The following UNC13A variants were observed in gnomAD, a reference collection of about 807,000 sequenced individuals.
The protein encoded by UNC13A is unc-13 homolog A, also known as protein unc-13 homolog A.
A neutral mutation model predicts 219.7 loss-of-function variants in UNC13A; 61 were observed. That is an observed-to-expected ratio of 0.28 (90% CI 0.23 to 0.34). The LOEUF (loss-of-function observed/expected upper bound fraction) is 0.34. Among genes scored for constraint, UNC13A ranks in the 10% least tolerant of loss-of-function variants. UNC13A has a pLI of 1.00. For synonymous variants in UNC13A, 920 were observed against 884.6 expected (o/e 1.04, Z -0.71); for missense variants, 1,476 against 2,270.3 (o/e 0.65, Z 7.11).
At position 17,610,038 on chromosome 19, in the gene UNC13A, G is replaced by A. The variant is rs575146225; in HGVS notation, c.4713C>T (p.Val1571=). 20 of 1,614,024 alleles carry A rather than the reference G, an allele frequency of 1.2e-5. No individual in the cohort carries two copies. The highest frequency in any genetic ancestry group is 1.7e-4 in the Middle Eastern group (1 of 6,056). The change falls in exon 43 of 44, where the codon GTC becomes GTT. Residue 1571 remains valine, a synonymous_variant. Transcript: ENST00000519716. The part of the protein sequence containing the change: ...TSGIFRPFIE[V]NIIGPQLSDK... ...CGCTGAGCTGGGGCCCAATGATGTTGACCTCGATGAACGGCCGGAAGATGC... is the reference window on the plus strand; with the variant it reads ...CGCTGAGCTGGGGCCCAATGATGTTAACCTCGATGAACGGCCGGAAGATGC...
chr19:17,621,970 C>T (rs371576058), intron 36 of UNC13A, 100 bp from the exon 37 acceptor site: 24 of 1,207,998 alleles, frequency 2.0e-5, no homozygotes, highest in African/African-American at 1.8e-4. Context: ...GGAATCCACA[C>T]TGCACAGGGT....
intron 31 of UNC13A, among the ~76,000 whole-genome samples, 172 bp downstream of exon 31, chr19:17,629,068 A>C (rs553728633): frequency 1.3e-5 from 2 of 152,126 alleles, no homozygotes; most frequent in Admixed American, 1.3e-4. Flanking sequence ...AACTAGATAC[A>C]CTCTGATCAC....
At chr19:17,643,186 A>T (rs1330636638) in intron 19 of UNC13A, among the ~76,000 whole-genome samples, 1 of 151,680 alleles carries the variant, frequency 6.6e-6, no homozygotes, top group Non-Finnish European at 1.5e-5. Flanking sequence ...TAATTTTTAT[A>T]CTTTTAGTAG....
chr19:17,613,251 A>G (rs961711897), intron 41 of UNC13A, among the ~76,000 whole-genome samples: 2 of 151,736 alleles, frequency 1.3e-5, no homozygotes, highest in Admixed American at 1.3e-4. Flanking sequence ...AGAGAGAGAA[A>G]AGAAAATTAG....
chr19:17,648,772 C>T (rs1286131193), intron 15 of UNC13A, 122 bp from the exon 16 acceptor site: 5 of 1,489,214 alleles, frequency 3.4e-6, no homozygotes, highest in African/African-American at 1.4e-5. Context: ...TCCACGCTGT[C>T]GGAATCCACG....
In UNC13A at chr19:17,666,684, T is replaced by C; in HGVS notation, c.489A>G (p.Gln163=). 1 of 1,528,528 alleles carries C rather than the reference T, an allele frequency of 6.5e-7. No individual in the cohort carries two copies. Among genetic ancestry groups the C allele is most frequent in the Non-Finnish European group, 8.8e-7 (1 of 1,136,282 alleles). 94.7% of individuals were successfully genotyped at this position (1,528,528 alleles called of 1,614,324 possible). A position where few individuals can be genotyped will look rare whatever the true frequency, so the allele number is the denominator to read the frequency against. ...DQDEYSFQDE[Q]DKPLPVPSNQ... Reference sequence around the variant, plus strand: ...TGCTGGGGACAGGCAGAGGCTTGTCTTGCTCATCTTGGAACGAATACTGAA... The same window carrying C: ...TGCTGGGGACAGGCAGAGGCTTGTCCTGCTCATCTTGGAACGAATACTGAA... The change falls in exon 7 of 44, where the codon CAA becomes CAG. Residue 163 remains glutamine (Q), a synonymous_variant. Transcript: ENST00000519716.
At chr19:17,663,693 G>T in intron 7 of UNC13A, 126 bp from the exon 8 acceptor site, 1 of 935,742 alleles carries the variant, frequency 1.1e-6, no homozygotes, top group Non-Finnish European at 1.7e-6. Context: ...CTCTTGTCCT[G>T]AGTACCTTCC....
intron 10 of UNC13A, 31 bp from the exon 11 acceptor site, chr19:17,655,413 C>G: frequency 6.5e-7 from 1 of 1,527,850 alleles, no homozygotes; most frequent in Non-Finnish European, 8.9e-7. Flanking sequence ...AGGCTCTGGG[C>G]TGGCTCTCCG....
In UNC13A at chr19:17,649,447, A is replaced by C; in HGVS notation, c.1518+62T>G. 1 of 1,613,718 alleles carries C rather than the reference A, an allele frequency of 6.2e-7. No individual in the cohort carries two copies. The highest frequency in any genetic ancestry group is 8.5e-7 in the Non-Finnish European group (1 of 1,179,718). ...CCAGGTTGACCATGGGCAGTTCCAC[A>C]GGTTGTGCACTGCTTATAGCAGGCC... On this transcript the variant is annotated intron_variant, in intron 13 of 43. Coordinates refer to ENST00000519716, the MANE Select transcript of UNC13A (RefSeq NM_001080421.3). This position sits in a 1 kb window ranked among gnomAD's most constrained non-coding sequence, Gnocchi z 4.4.
rs370962907 is a variant in UNC13A, at chr19:17,635,390, G to A, written c.3215+634C>T. Reference sequence around the variant, plus strand: ...AATTCCCTAACCAGGATATGTTAACGCCCCAAAGCTAGAGTCCTCTCTAGC... The same window carrying A: ...AATTCCCTAACCAGGATATGTTAACACCCCAAAGCTAGAGTCCTCTCTAGC... On this transcript the variant is annotated intron_variant, in intron 26 of 43. Transcript: ENST00000519716. Among the ~76,000 whole-genome samples the A allele has an allele frequency of 2.6e-3, 395 of 152,122 alleles. 5 individuals are homozygous for A. The highest frequency in any genetic ancestry group is 8.8e-3 in the African/African-American group (365 of 41,492).
rs1398555282 is a variant in UNC13A at position 17,649,956 on chromosome 19, G to A, written c.1440-369C>T. Among the ~76,000 whole-genome samples, 1 of 152,158 alleles carries A rather than the reference G, an allele frequency of 6.6e-6. No individual in the cohort carries two copies. The highest frequency in any genetic ancestry group is 2.4e-5 in the African/African-American group (1 of 41,420). On this transcript the variant is annotated intron_variant, in intron 12 of 43. Transcript: ENST00000519716. This position sits in a 1 kb window ranked among gnomAD's most constrained non-coding sequence, Gnocchi z 4.4. Reference sequence around the variant, plus strand: ...AATTCAAGCAAACTAGAAGCTAGAAGAGGCAGGGGAGGAATTCTCTTCTAC... The same window carrying A: ...AATTCAAGCAAACTAGAAGCTAGAAAAGGCAGGGGAGGAATTCTCTTCTAC...
At chr19:17,619,012 C>T (rs1472116898) in intron 38 of UNC13A, 50 bp from the exon 39 acceptor site, 1 of 1,561,404 alleles carries the variant, frequency 6.4e-7, no homozygotes. Flanking sequence ...CTACAGCTGA[C>T]ACTCCAGCCC....
intron 16 of UNC13A, 103 bp from the exon 17 acceptor site, chr19:17,647,595 T>A: frequency 2.7e-6 from 3 of 1,117,752 alleles, no homozygotes; most frequent in Non-Finnish European, 3.8e-6. Context: ...GGGACTCAGG[T>A]GTCACCCCCT....
chr19:17,640,487 C>G (rs1484339251), intron 22 of UNC13A, 24 bp downstream of exon 22: 6 of 1,542,874 alleles, frequency 3.9e-6, no homozygotes, highest in Non-Finnish European at 5.2e-6. Flanking sequence ...CCCTAATTCT[C>G]CAATCCCAGT....
intron 19 of UNC13A, among the ~76,000 whole-genome samples, chr19:17,644,918 C>T (rs969188019): frequency 5.9e-5 from 9 of 151,800 alleles, no homozygotes. Context: ...TCTTGAACTC[C>T]TGGACTCAAG....
rs535551144 is a variant in UNC13A at position 17,674,594 on chromosome 19, A to G, written c.152+63T>C. 8.8e-6 allele frequency: 13 copies of G among 1,478,998 alleles called. No homozygotes were observed. The East Asian group carries it at 1.1e-4, about 13-fold the overall frequency. The allele number at this position is 1,478,998 out of a possible 1,614,324, so 91.6% of individuals were successfully genotyped here. ...TTCCCCAGTGTCCAGCTCTGCCCTGAGGGGCCAGCGAGGTGCTGGGCTATG... is the reference window on the plus strand; with the variant it reads ...TTCCCCAGTGTCCAGCTCTGCCCTGGGGGGCCAGCGAGGTGCTGGGCTATG... On this transcript the variant is annotated intron_variant, in intron 3 of 43. Transcript: ENST00000519716. This position sits in a 1 kb window ranked among gnomAD's most constrained non-coding sequence, Gnocchi z 5.0.
intron 7 of UNC13A, among the ~76,000 whole-genome samples, chr19:17,665,934 G>A (rs913815165): frequency 5.3e-5 from 8 of 151,682 alleles, no homozygotes; most frequent in African/African-American, 1.2e-4. Context: ...CCTAAATATC[G>A]AAGAGGGACA....
chr19:17,625,023 G>A, intron 34 of UNC13A, 71 bp from the exon 35 acceptor site: 1 of 1,567,970 alleles, frequency 6.4e-7, no homozygotes, highest in Non-Finnish European at 8.7e-7. Context: ...CCCTTAACAG[G>A]TGGGCAAGGC....
intron 1 of UNC13A, among the ~76,000 whole-genome samples, chr19:17,677,731 G>A (rs1010944887): frequency 5.9e-5 from 9 of 151,906 alleles, no homozygotes; most frequent in Admixed American, 3.9e-4. Flanking sequence ...TGTTTGTGTA[G>A]GCAATGCATG....
Sources: gnomAD v4.1 joint callset for allele counts (sites outside exome capture counted in the v4.1 genomes callset) on GRCh38, gnomAD v4.1.1 for gene constraint, Gnocchi (gnomAD v3.1) non-coding constraint, MANE v1.5 for transcripts, NCBI Gene and HGNC (gene_info 2026-07-23, HGNC 2026-07-21) for gene names.